Variants in BLNK observed in about 807,000 individuals in gnomAD.
The protein encoded by BLNK is B cell linker, also known as B-cell linker protein.
In BLNK, 29 loss-of-function variants were observed where a neutral mutation model predicts 73.5. The ratio of observed to expected loss-of-function variants is 0.39; its 90% CI spans 0.29 to 0.54. The LOEUF is 0.54. Among genes scored for constraint, BLNK ranks in the 20% least tolerant of loss-of-function variants. The probability of loss-of-function intolerance (pLI) is 0.61; values close to 1 mark genes in which losing one functional copy is unlikely to be tolerated. For synonymous variants in BLNK, 176 were observed against 200.8 expected (o/e 0.88, Z 1.04); for missense variants, 460 against 562.8 (o/e 0.82, Z 1.85).
At chr10:96,198,793 G>A (rs587719249) in intron 15 of BLNK, among the ~76,000 whole-genome samples, 1 of 152,280 alleles carries the variant, frequency 6.6e-6, no homozygotes, top group Non-Finnish European at 1.5e-5. Flanking sequence ...CCGCCTCCTA[G>A]GCCCAACCGA....
At chr10:96,240,456 C>G (rs7069961) in intron 3 of BLNK, among the ~76,000 whole-genome samples, 17 of 152,068 alleles carry the variant, frequency 1.1e-4, no homozygotes, top group Non-Finnish European at 2.5e-4. Context: ...GATGGGATCT[C>G]GCTATATTGA....
chr10:96,190,182 C>G lies in BLNK; in HGVS notation c.*1791G>C. 8.7e-6 allele frequency: 7 copies of G among 800,186 alleles called. No individual in the cohort carries two copies. Among genetic ancestry groups the G allele is most frequent in the South Asian group, 8.0e-5 (6 of 75,252 alleles). 49.6% of individuals were successfully genotyped at this position (800,186 alleles called of 1,614,324 possible). Reference sequence around the variant, plus strand: ...CACAACTGAAAAGATAGTTCTGGGCCTCAGGGGGCTCACGTCCATGTCCAT... The same window carrying G: ...CACAACTGAAAAGATAGTTCTGGGCGTCAGGGGGCTCACGTCCATGTCCAT... On this transcript the variant is annotated 3_prime_UTR_variant, in exon 17 of 17. Coordinates refer to ENST00000224337, the MANE Select transcript of BLNK (RefSeq NM_013314.4).
chr10:96,197,338 T>C (rs2083492678), intron 15 of BLNK, among the ~76,000 whole-genome samples: 1 of 152,170 alleles, frequency 6.6e-6, no homozygotes. Context: ...ACAGTCTCAC[T>C]TTGTTGCCCA....
chr10:96,194,174 G>C (rs1237403482), intron 16 of BLNK, among the ~76,000 whole-genome samples: 1 of 152,154 alleles, frequency 6.6e-6, no homozygotes, highest in Non-Finnish European at 1.5e-5. Flanking sequence ...ATTTGTGAGA[G>C]AATTTCAGGA....
At chr10:96,271,298 C>G in intron 1 of BLNK, 54 bp downstream of exon 1, 1 of 1,575,384 alleles carries the variant, frequency 6.3e-7, no homozygotes, top group Non-Finnish European at 8.7e-7. Context: ...GCCATAAGAG[C>G]ACTGGGGGGA....
At chr10:96,251,264 T>A (rs1030705889) in intron 1 of BLNK, among the ~76,000 whole-genome samples, 6 of 152,256 alleles carry the variant, frequency 3.9e-5, no homozygotes, top group African/African-American at 1.4e-4. Context: ...GTTAGCTCAT[T>A]ATGTCAACTG....
chr10:96,228,217 A>G (rs3827857), intron 4 of BLNK, among the ~76,000 whole-genome samples: 134,610 of 151,848 alleles, frequency 0.89, 61,418 homozygotes, highest in Non-Finnish European at 1. Flanking sequence ...CTCCTGCCCT[A>G]GTCTCCCAAG....
At chr10:96,212,719 C>T (rs2083977168) in intron 8 of BLNK, among the ~76,000 whole-genome samples, 1 of 152,220 alleles carries the variant, frequency 6.6e-6, no homozygotes, top group Non-Finnish European at 1.5e-5. Flanking sequence ...TTGACAGAAA[C>T]ACCAACTAGG....
At chr10:96,238,905 G>T (rs2134069188) in intron 3 of BLNK, 6 of 383,164 alleles carry the variant, frequency 1.6e-5, no homozygotes, top group Non-Finnish European at 1.8e-5. Context: ...TTATAGCAGG[G>T]TTTCTTAAAT....
In BLNK at chr10:96,228,558, G is replaced by GT. The variant is rs1169703891; in HGVS notation, c.205-993dup. On this transcript the variant is annotated intron_variant, in intron 4 of 16. Transcript: ENST00000224337. ...AGGCATGAGCCACTGCGCCTGGCCT[G>GT]TTTTTTTAAAATCCACATTTCATTT... is the stretch of plus-strand genomic sequence containing the variant. Among the ~76,000 whole-genome samples the GT allele has an allele frequency of 2.6e-5, 4 of 152,210 alleles. No homozygotes were observed. In the East Asian group the frequency reaches 5.8e-4, roughly 22 times the overall value.
Position 96,216,652 on chromosome 10 carries a change from C to A in BLNK, c.607+1G>T. The A allele has an allele frequency of 6.2e-7, 1 of 1,613,928 alleles. No individual in the cohort carries two copies. Among genetic ancestry groups the A allele is most frequent in the Non-Finnish European group, 8.5e-7 (1 of 1,179,872 alleles). ...AGGTGCTTAAGGCGACAAACTCTTA[C>A]CTTTTTCAGGTGGAGGTGAACTGCT... is the stretch of plus-strand genomic sequence containing the variant. On this transcript the variant is annotated splice_donor_variant, in intron 7 of 16. Transcript: ENST00000224337. LOFTEE classifies it high-confidence loss of function.
intron 3 of BLNK, among the ~76,000 whole-genome samples, chr10:96,237,557 G>A (rs1842738727): frequency 6.6e-6 from 1 of 152,134 alleles, no homozygotes; most frequent in South Asian, 2.1e-4. Flanking sequence ...GGTAACCAAT[G>A]GGGCATCTGC....
chr10:96,207,023 T>C lies in BLNK; in HGVS notation c.805A>G (p.Ser269Gly). 1 of 1,614,004 alleles carries C rather than the reference T, an allele frequency of 6.2e-7. No homozygotes were observed. Among genetic ancestry groups the C allele is most frequent in the African/African-American group, 1.3e-5 (1 of 75,028 alleles). ...TPVASQQNAS[S>G]VCEEKPIPAE... ...TAATAGATTTTACCTTCACAAACAC[T>C]TGAAGCATTCTGTTGAGAGGCAACT... Residue 269 changes from serine (S) to glycine (G), a missense_variant, in exon 11 of 17, where the codon AGT becomes GGT. This residue lies in a region of BLNK where 233 missense variants were observed against 232.1 expected (regional missense o/e 1.00). Transcript: ENST00000224337.
chr10:96,206,447 G>C (rs897467721), intron 11 of BLNK, among the ~76,000 whole-genome samples: 1 of 151,178 alleles, frequency 6.6e-6, no homozygotes, highest in Admixed American at 6.6e-5. Context: ...TACTCAGGAG[G>C]CTGAGGCAGA....
At chr10:96,270,267 G>C (rs946674421) in intron 1 of BLNK, among the ~76,000 whole-genome samples, 1 of 152,180 alleles carries the variant, frequency 6.6e-6, no homozygotes, top group African/African-American at 2.4e-5. Context: ...TACTGTGAAG[G>C]GTTGTCCCTC....
chr10:96,265,150 A>ATTTATTTT (rs1843941980), intron 1 of BLNK, among the ~76,000 whole-genome samples: 1 of 149,994 alleles, frequency 6.7e-6, no homozygotes, highest in East Asian at 1.9e-4. Flanking sequence ...TTATTTATTT[A>ATTTATTTT]TTTATTTATT....
chr10:96,245,880 G>A (rs1843026245), intron 2 of BLNK, among the ~76,000 whole-genome samples: 1 of 152,134 alleles, frequency 6.6e-6, no homozygotes. Context: ...CCATGACAAT[G>A]TCCCTTTCTG....
chr10:96,271,310 A>T (rs781900869), intron 1 of BLNK, 42 bp downstream of exon 1: 2 of 1,605,188 alleles, frequency 1.2e-6, no homozygotes, highest in Non-Finnish European at 1.7e-6. Context: ...CTGGGGGGAA[A>T]AAAAGGAGAT....
intron 9 of BLNK, among the ~76,000 whole-genome samples, chr10:96,209,094 C>T (rs955508947): frequency 6.6e-6 from 1 of 152,168 alleles, no homozygotes; most frequent in African/African-American, 2.4e-5. Flanking sequence ...TTACAAAGCC[C>T]TTCTAAATTC....
Sources: gnomAD v4.1 joint callset for allele counts (sites outside exome capture counted in the v4.1 genomes callset) on GRCh38, gnomAD v4.1.1 for gene constraint, gnomAD v4.1.1 regional missense constraint, MANE v1.5 for transcripts, NCBI Gene and HGNC (gene_info 2026-07-23, HGNC 2026-07-21) for gene names.